The following MSRA variants were observed in gnomAD, a reference collection of about 807,000 sequenced individuals.
MSRA encodes mitochondrial peptide methionine sulfoxide reductase.
Under a neutral mutation model 31.3 loss-of-function variants are expected in MSRA, and 54 were observed. That is an observed-to-expected ratio of 1.73 (90% confidence interval 1.39 to 2.17). MSRA has a LOEUF of 2.17. Ranked by LOEUF, MSRA falls within the 30% of genes most tolerant of loss-of-function variation. MSRA has a pLI of 0.00. For synonymous variants in MSRA, 169 were observed against 116.5 expected (o/e 1.45, Z -2.90); for missense variants, 507 against 300.9 (o/e 1.69, Z -5.07).
intron 1 of MSRA, among the ~76,000 whole-genome samples, chr8:10,170,741 A>G (rs116801054): frequency 0.021 from 3,255 of 152,278 alleles, 104 homozygotes; most frequent in African/African-American, 0.073. Context: ...TTTGCTACCT[A>G]TGGGGTTTTG....
chr8:10,189,359 C>T (rs1201554856), intron 1 of MSRA, among the ~76,000 whole-genome samples: 1 of 151,882 alleles, frequency 6.6e-6, no homozygotes, highest in Admixed American at 6.6e-5. Context: ...CTTTTTTGAA[C>T]TGACTAGGAC....
intron 2 of MSRA, among the ~76,000 whole-genome samples, chr8:10,228,779 TCTTC>T (rs1234980119): frequency 6.6e-6 from 1 of 152,324 alleles, no homozygotes; most frequent in South Asian, 2.1e-4. Context: ...GCTAGTAGCA[TCTTC>T]CTTGTAGGGT....
At chr8:10,065,537 C>G (rs1015802138) in intron 1 of MSRA, among the ~76,000 whole-genome samples, 3 of 152,202 alleles carry the variant, frequency 2.0e-5, no homozygotes, top group Non-Finnish European at 4.4e-5. Context: ...GGGAGACACA[C>G]ACCTGACTTA....
chr8:10,070,826 C>G (rs779241145), intron 1 of MSRA, among the ~76,000 whole-genome samples: 4 of 152,152 alleles, frequency 2.6e-5, no homozygotes, highest in African/African-American at 7.2e-5. Context: ...GGTTAATGTA[C>G]CAGTGCTTTG....
In MSRA at chr8:10,176,158, A is replaced by G. The variant is rs192929475; in HGVS notation, c.143-31675A>G. 3.9e-5 allele frequency among the ~76,000 whole-genome samples: 6 copies of G among 152,326 alleles called. No homozygotes were observed. In the East Asian group the frequency reaches 1.2e-3, roughly 29 times the overall value. On this transcript the variant is annotated intron_variant, in intron 1 of 5. Transcript: ENST00000317173. ...TTTTAAGCAGTTTGAAACGATCTCA[A>G]ATTCATCTCTCTTTGCCATATGTTA...
chr8:10,407,546 G>A (rs944627201), intron 5 of MSRA, among the ~76,000 whole-genome samples: 4 of 152,204 alleles, frequency 2.6e-5, no homozygotes, highest in African/African-American at 9.6e-5. Context: ...TGGAGGAGAG[G>A]TAGCAAATGA....
At chr8:10,277,916 A>G (rs1799410681) in intron 3 of MSRA, among the ~76,000 whole-genome samples, 1 of 152,154 alleles carries the variant, frequency 6.6e-6, no homozygotes, top group Non-Finnish European at 1.5e-5. Flanking sequence ...AAGAAAAACA[A>G]CTCTTTACAT....
chr8:10,266,542 G>C (rs28620199), intron 3 of MSRA, among the ~76,000 whole-genome samples: 1 of 151,594 alleles, frequency 6.6e-6, no homozygotes, highest in Non-Finnish European at 1.5e-5. Flanking sequence ...GCTTGTCTTA[G>C]CATTCTCTTA....
chr8:10,381,333 C>A (rs1806056702), intron 5 of MSRA, among the ~76,000 whole-genome samples: 1 of 152,210 alleles, frequency 6.6e-6, no homozygotes, highest in Non-Finnish European at 1.5e-5. Context: ...TTCCGTACCT[C>A]CTCTTGCTTG....
intron 5 of MSRA, chr8:10,337,024 G>A (rs1803091741): frequency 6.6e-6 from 1 of 152,190 alleles, no homozygotes; most frequent in African/African-American, 2.4e-5. Context: ...AAGACCACCA[G>A]AGATAAGACC....
intron 1 of MSRA, among the ~76,000 whole-genome samples, chr8:10,125,719 T>C (rs1362407559): frequency 2.6e-5 from 4 of 152,206 alleles, no homozygotes. Context: ...ATGTTTGTGG[T>C]GGTAGTTCAA....
At chr8:10,230,169 T>C (rs894419101) in intron 2 of MSRA, among the ~76,000 whole-genome samples, 10 of 152,240 alleles carry the variant, frequency 6.6e-5, no homozygotes, top group African/African-American at 2.2e-4. Flanking sequence ...CAGAGTTCTC[T>C]GCAGAGAGGG....
intron 1 of MSRA, among the ~76,000 whole-genome samples, chr8:10,182,631 C>G (rs981568652): frequency 1.3e-5 from 2 of 152,132 alleles, no homozygotes; most frequent in African/African-American, 4.8e-5. Flanking sequence ...TGTTATGATA[C>G]AAGCATGCGG....
chr8:10,157,658 T>A lies in MSRA; in HGVS notation c.143-50175T>A, dbSNP rs189584098. On this transcript the variant is annotated intron_variant, in intron 1 of 5. Coordinates refer to ENST00000317173, the MANE Select transcript of MSRA (RefSeq NM_012331.5). ...TAATAATAATAATAGTTCTTTAATA[T>A]CAAATATGAGAGTCAGAGTCAAATT... 5.9e-5 allele frequency among the ~76,000 whole-genome samples: 9 copies of A among 152,122 alleles called. No individual in the cohort carries two copies. In the East Asian group the frequency reaches 1.7e-3, roughly 29 times the overall value.
chr8:10,413,629 C>G (rs1216770377), intron 5 of MSRA, among the ~76,000 whole-genome samples: 4 of 90,616 alleles, frequency 4.4e-5, no homozygotes, highest in Admixed American at 1.1e-4. Flanking sequence ...AATGCCTCAA[C>G]AAATAAAGAA....
intron 5 of MSRA, among the ~76,000 whole-genome samples, chr8:10,398,459 G>A (rs543722085): frequency 6.6e-6 from 1 of 152,220 alleles, no homozygotes; most frequent in African/African-American, 2.4e-5. Flanking sequence ...TCTGAGCACA[G>A]TTTTCTCCTG....
chr8:10,116,534 G>A (rs979849653), intron 1 of MSRA, among the ~76,000 whole-genome samples: 1 of 152,224 alleles, frequency 6.6e-6, no homozygotes, highest in South Asian at 2.1e-4. Context: ...TCTACAGATT[G>A]TTGTAGGCTG....
intron 5 of MSRA, among the ~76,000 whole-genome samples, chr8:10,405,063 C>G (rs889711731): frequency 2.6e-5 from 4 of 152,166 alleles, no homozygotes; most frequent in African/African-American, 9.7e-5. Context: ...TGGTGGATGT[C>G]GGACAGGAGA....
chr8:10,337,932 T>C (rs1210278243), intron 5 of MSRA: 2 of 647,088 alleles, frequency 3.1e-6, no homozygotes, highest in Non-Finnish European at 5.6e-6. Flanking sequence ...GCAAGACTAA[T>C]AAGACTTGGA....
Sources: gnomAD v4.1 joint callset for allele counts (sites outside exome capture counted in the v4.1 genomes callset) on GRCh38, gnomAD v4.1.1 for gene constraint, MANE v1.5 for transcripts, NCBI Gene and HGNC (gene_info 2026-07-23, HGNC 2026-07-21) for gene names.